PCDHAC1: variants seen among roughly 807,000 people sequenced by gnomAD.
PCDHAC1 encodes the protein protocadherin alpha-C1.
Under a neutral mutation model 60.0 loss-of-function variants are expected in PCDHAC1, and 42 were observed. The observed-to-expected ratio is 0.70, with a 90% CI of 0.55 to 0.90. The LOEUF (loss-of-function observed/expected upper bound fraction) is 0.90. Ranked by LOEUF, PCDHAC1 falls within the 40% of genes least tolerant of loss-of-function variation. The pLI is 0.00. For missense variants in PCDHAC1, 1,160 were observed against 1,222.3 expected (o/e 0.95, Z 0.76); for synonymous variants, 468 against 499.3 (o/e 0.94, Z 0.84).
rs2085522837 is a variant in PCDHAC1, at chr5:140,928,782, T to C, written c.1890T>C (p.Val630=). Reference sequence around the variant, plus strand: ...GCTTAGTTCTTCCCACTGATGCAGTTAAGCAGAGGGTGGTGGTAGTGGTTC... The same window carrying C: ...GCTTAGTTCTTCCCACTGATGCAGTCAAGCAGAGGGTGGTGGTAGTGGTTC... ...TARLVLPTDA[V]KQRVVVVVRD... The change falls in exon 1 of 4, where the codon GTT becomes GTC. Residue 630 remains valine, a synonymous_variant. Coordinates refer to ENST00000253807, the MANE Select transcript of PCDHAC1 (RefSeq NM_018898.5). 6.2e-7 allele frequency: 1 copy of C among 1,614,030 alleles called. No individual in the cohort carries two copies. The highest frequency in any genetic ancestry group is 2.2e-5 in the East Asian group (1 of 44,896).
chr5:140,976,323 G>A (rs532976656), intron 1 of PCDHAC1, among the ~76,000 whole-genome samples: 26 of 152,258 alleles, frequency 1.7e-4, no homozygotes, highest in African/African-American at 6.0e-4. Context: ...GGCCGAGGAG[G>A]GTGGATTGCC....
At chr5:140,952,529 G>A (rs1404753711) in intron 1 of PCDHAC1, among the ~76,000 whole-genome samples, 1 of 152,084 alleles carries the variant, frequency 6.6e-6, no homozygotes, top group East Asian at 1.9e-4. Context: ...GACCTCCTCA[G>A]ACTGGACTTC....
chr5:140,981,862 T>C (rs1160188291), intron 2 of PCDHAC1, among the ~76,000 whole-genome samples: 1 of 152,212 alleles, frequency 6.6e-6, no homozygotes, highest in African/African-American at 2.4e-5. Flanking sequence ...CTCCCAGCAA[T>C]GTTTTATGCT....
chr5:140,972,479 C>G (rs782631191), intron 1 of PCDHAC1, among the ~76,000 whole-genome samples: 1 of 151,994 alleles, frequency 6.6e-6, no homozygotes, highest in Non-Finnish European at 1.5e-5. Flanking sequence ...CAGCATTTAA[C>G]CCCAGACTCT....
chr5:140,982,772 A>T (rs144366377), intron 3 of PCDHAC1, among the ~76,000 whole-genome samples: 67 of 152,052 alleles, frequency 4.4e-4, no homozygotes, highest in African/African-American at 1.5e-3. Context: ...TAACAAGGAA[A>T]GTGTGTGTGC....
chr5:140,964,168 G>A (rs928554352), intron 1 of PCDHAC1, among the ~76,000 whole-genome samples: 1 of 152,166 alleles, frequency 6.6e-6, no homozygotes, highest in Non-Finnish European at 1.5e-5. Flanking sequence ...TGTGAGGAAC[G>A]AAATCATTAT....
chr5:140,957,630 C>A (rs2095372065), intron 1 of PCDHAC1, among the ~76,000 whole-genome samples: 1 of 152,000 alleles, frequency 6.6e-6, no homozygotes, highest in Non-Finnish European at 1.5e-5. Context: ...CACACACTTT[C>A]AGAAATGCAC....
chr5:140,992,070 GA>G (rs1554252639), intron 3 of PCDHAC1, among the ~76,000 whole-genome samples: 1 of 151,052 alleles, frequency 6.6e-6, no homozygotes, highest in Non-Finnish European at 1.5e-5. Context: ...AATTTCAGTA[GA>G]GAATGAGCTA....
chr5:140,993,342 C>T (rs1554253606), intron 3 of PCDHAC1, among the ~76,000 whole-genome samples: 1 of 151,994 alleles, frequency 6.6e-6, no homozygotes, highest in African/African-American at 2.4e-5. Flanking sequence ...TTGAAGGGCA[C>T]TACGAAGATC....
intron 1 of PCDHAC1, among the ~76,000 whole-genome samples, chr5:140,934,534 G>GT (rs1563143363): frequency 2.6e-5 from 4 of 152,064 alleles, no homozygotes; most frequent in Non-Finnish European, 4.4e-5. Flanking sequence ...GAGAGCTACC[G>GT]TTCTAATTCT....
chr5:140,942,197 T>C (rs2093245078), intron 1 of PCDHAC1, among the ~76,000 whole-genome samples: 1 of 152,170 alleles, frequency 6.6e-6, no homozygotes, highest in African/African-American at 2.4e-5. Context: ...TAAAATACAT[T>C]TTTGAGCATA....
At chr5:140,959,688 T>G (rs1000595466) in intron 1 of PCDHAC1, among the ~76,000 whole-genome samples, 20 of 152,318 alleles carry the variant, frequency 1.3e-4, no homozygotes, top group African/African-American at 4.8e-4. Flanking sequence ...ATAATTTCAA[T>G]AAAATGAGCT....
rs1554263423 is a variant in PCDHAC1 at position 141,011,323 on chromosome 5, C to T, written c.*1386C>T. 1 of 153,686 alleles carries T rather than the reference C, an allele frequency of 6.5e-6. No individual in the cohort carries two copies. The highest frequency in any genetic ancestry group is 1.5e-5 in the Non-Finnish European group (1 of 68,036). The allele number at this position is 153,686 out of a possible 1,614,324, so 9.5% of individuals were successfully genotyped here. A position where few individuals can be genotyped will look rare whatever the true frequency, so the allele number is the denominator to read the frequency against. ...TCTGAATTGCTAATCTTACTAACACCTATGATGTTACCTGAAATCAATCTC... is the reference window on the plus strand; with the variant it reads ...TCTGAATTGCTAATCTTACTAACACTTATGATGTTACCTGAAATCAATCTC... On this transcript the variant is annotated 3_prime_UTR_variant, in exon 4 of 4. Transcript: ENST00000253807.
At chr5:140,943,613 C>G (rs1490811039) in intron 1 of PCDHAC1, among the ~76,000 whole-genome samples, 1 of 152,026 alleles carries the variant, frequency 6.6e-6, no homozygotes, top group African/African-American at 2.4e-5. Context: ...GACTTTGATT[C>G]ATCTGCATAA....
intron 1 of PCDHAC1, chr5:140,968,800 A>G: frequency 6.2e-7 from 1 of 1,614,238 alleles, no homozygotes; most frequent in Non-Finnish European, 8.5e-7. Context: ...CCATTACAGT[A>G]GCTGTGGTGG....
At chr5:140,943,316 A>G (rs1326467105) in intron 1 of PCDHAC1, among the ~76,000 whole-genome samples, 3 of 151,868 alleles carry the variant, frequency 2.0e-5, no homozygotes, top group African/African-American at 4.8e-5. Context: ...ATTATTAGCA[A>G]TATTGTGTAG....
At chr5:140,930,785 A>G (rs1485024316) in intron 1 of PCDHAC1, among the ~76,000 whole-genome samples, 1 of 152,248 alleles carries the variant, frequency 6.6e-6, no homozygotes, top group Admixed American at 6.5e-5. Context: ...TTTTCACAAT[A>G]TAATAGAATC....
chr5:141,001,850 T>G (rs2098040443), intron 3 of PCDHAC1, among the ~76,000 whole-genome samples: 1 of 152,164 alleles, frequency 6.6e-6, no homozygotes, highest in Admixed American at 6.5e-5. Context: ...AGAGAGAGGT[T>G]GATTAAATTG....
chr5:140,950,708 T>A (rs1554219597), intron 1 of PCDHAC1, among the ~76,000 whole-genome samples: 1 of 152,068 alleles, frequency 6.6e-6, no homozygotes, highest in East Asian at 1.9e-4. Context: ...AAATTTTTGT[T>A]CCTTATATCC....
Sources: gnomAD v4.1 joint callset for allele counts (sites outside exome capture counted in the v4.1 genomes callset) on GRCh38, gnomAD v4.1.1 for gene constraint, MANE v1.5 for transcripts, NCBI Gene and HGNC (gene_info 2026-07-23, HGNC 2026-07-21) for gene names.